VPS35L: variants seen among roughly 807,000 people sequenced by gnomAD.
VPS35L encodes VPS35 endosomal protein-sorting factor-like.
In VPS35L, 83 loss-of-function variants were observed where a neutral mutation model predicts 133.0. The ratio of observed to expected loss-of-function variants is 0.62; its 90% CI spans 0.52 to 0.75. The LOEUF (loss-of-function observed/expected upper bound fraction) is 0.75. Among genes scored for constraint, VPS35L ranks in the 30% least tolerant of loss-of-function variants. The pLI, the probability that VPS35L is intolerant of heterozygous loss-of-function variation, is 0.00. For synonymous variants in VPS35L, 423 were observed against 449.9 expected, an observed-to-expected ratio of 0.94 and a Z score of 0.76; for missense variants, 1,083 against 1,206.8, an observed-to-expected ratio of 0.90 and a Z score of 1.52.
chr16:19,611,697 C>T (rs900483140), intron 12 of VPS35L: 2 of 152,006 alleles, frequency 1.3e-5, no homozygotes, highest in South Asian at 2.1e-4. Flanking sequence ...AAAAGCCTTT[C>T]GTTTAAGGGC....
In VPS35L at chr16:19,581,407, C is replaced by T. The variant is rs189565991; in HGVS notation, c.511-118C>T. On this transcript the variant is annotated intron_variant, in intron 6 of 30. Transcript: ENST00000417362. ...TGCAAGGCAAAGCTGTCAATCCTGGCGGGGATATGAGGAAAATTTAGAGAC... is the reference window on the plus strand; with the variant it reads ...TGCAAGGCAAAGCTGTCAATCCTGGTGGGGATATGAGGAAAATTTAGAGAC... 160 of 1,174,754 alleles carry T rather than the reference C, an allele frequency of 1.4e-4. No individual in the cohort carries two copies. In the Middle Eastern group the frequency reaches 2.3e-3, roughly 17 times the overall value. The allele number at this position is 1,174,754 out of a possible 1,614,324, so 72.8% of individuals were successfully genotyped here.
chr16:19,591,997 A>G, intron 8 of VPS35L, 123 bp downstream of exon 8: 1 of 715,990 alleles, frequency 1.4e-6, no homozygotes. Context: ...GTCATGGGAG[A>G]GATCAAACCG....
chr16:19,589,796 G>A (rs971732718), intron 7 of VPS35L, among the ~76,000 whole-genome samples: 2 of 152,154 alleles, frequency 1.3e-5, no homozygotes, highest in African/African-American at 4.8e-5. Context: ...GGAAGCCCCA[G>A]CTGTGTTTAA....
intron 27 of VPS35L, among the ~76,000 whole-genome samples, chr16:19,671,858 C>G (rs1370405707): frequency 2.0e-5 from 3 of 152,220 alleles, no homozygotes; most frequent in Non-Finnish European, 4.4e-5. Flanking sequence ...ACAGATTAAG[C>G]ACCGCTGGTA....
At position 19,555,712 on chromosome 16, in the gene VPS35L, G is replaced by A. The variant is rs1047828570; in HGVS notation, c.-18G>A. 16 of 1,603,840 alleles carry A rather than the reference G, an allele frequency of 1.0e-5. No individual in the cohort carries two copies. The highest frequency in any genetic ancestry group is 1.4e-5 in the Non-Finnish European group (16 of 1,175,572). ...CCGAGCAGACGGCCCCAGAACAAGC[G>A]GTCATGTGACTGGGAAGATGGCCGT... On this transcript the variant is annotated 5_prime_UTR_variant, in exon 1 of 31. Transcript: ENST00000417362.
intron 8 of VPS35L, among the ~76,000 whole-genome samples, chr16:19,593,631 G>T (rs1972110854): frequency 6.6e-6 from 1 of 151,744 alleles, no homozygotes; most frequent in Non-Finnish European, 1.5e-5. Context: ...CCTTGCCCTT[G>T]GGCCGGGCAT....
At chr16:19,593,775 G>A (rs2151530337) in intron 8 of VPS35L, among the ~76,000 whole-genome samples, 1 of 152,184 alleles carries the variant, frequency 6.6e-6, no homozygotes, top group Admixed American at 6.5e-5. Flanking sequence ...AAATTAGCTG[G>A]GTGTTGTGGT....
intron 12 of VPS35L, among the ~76,000 whole-genome samples, chr16:19,615,271 G>A (rs891486859): frequency 2.0e-5 from 3 of 152,124 alleles, no homozygotes; most frequent in Non-Finnish European, 4.4e-5. Flanking sequence ...TTGGGGAAGG[G>A]CAAAGATGAT....
chr16:19,610,318 G>A lies in VPS35L; in HGVS notation c.930-4G>A, dbSNP rs2151546919. The stretch of plus-strand genomic sequence containing the variant: ...TAATGCTGGCCTGTTTTTGTCTCTT[G>A]CAGGGGAATTTCAGAGTGCCTGCCC... On this transcript the variant is annotated splice_polypyrimidine_tract_variant and splice_region_variant and intron_variant, in intron 11 of 30. Transcript: ENST00000417362. The A allele has an allele frequency of 2.5e-6, 4 of 1,613,398 alleles. No individual in the cohort carries two copies. Among genetic ancestry groups the A allele is most frequent in the Non-Finnish European group, 3.4e-6 (4 of 1,179,614 alleles).
chr16:19,594,855 G>A (rs936279390), intron 8 of VPS35L, among the ~76,000 whole-genome samples: 2 of 152,032 alleles, frequency 1.3e-5, no homozygotes, highest in Non-Finnish European at 2.9e-5. Flanking sequence ...GCAAGTTTAA[G>A]TAAGGTGCTC....
intron 23 of VPS35L, 83 bp from the exon 24 acceptor site, chr16:19,647,701 A>T (rs1973994235): frequency 5.7e-6 from 6 of 1,054,906 alleles, no homozygotes. Context: ...AGGTGGCAAT[A>T]ATAATATTTC....
chr16:19,566,062 T>C lies in VPS35L; in HGVS notation c.117+1112T>C, dbSNP rs1229512548. On this transcript the variant is annotated intron_variant, in intron 2 of 30. Coordinates refer to ENST00000417362, the MANE Select transcript of VPS35L (RefSeq NM_020314.7). ...TGGAGGCTCTGGGAATGTATGGAGA[T>C]GATTGCATAAAGCAGAAGACCCCAA... is the stretch of plus-strand genomic sequence containing the variant. Among the ~76,000 whole-genome samples, 25 of 152,060 alleles carry C rather than the reference T, an allele frequency of 1.6e-4. 1 individual carries two copies.
chr16:19,657,357 T>G (rs905184616), intron 26 of VPS35L, among the ~76,000 whole-genome samples: 6 of 152,178 alleles, frequency 3.9e-5, no homozygotes, highest in Non-Finnish European at 7.3e-5. Context: ...TCTTTTATTT[T>G]TTGCATCTTC....
At chr16:19,563,948 G>A (rs928627818) in intron 1 of VPS35L, among the ~76,000 whole-genome samples, 3 of 152,154 alleles carry the variant, frequency 2.0e-5, no homozygotes, top group Non-Finnish European at 4.4e-5. Flanking sequence ...CTCTTGTCCT[G>A]TGCTGAGAAT....
intron 22 of VPS35L, among the ~76,000 whole-genome samples, chr16:19,644,143 CTATT>C (rs1973869571): frequency 6.6e-6 from 1 of 151,886 alleles, no homozygotes; most frequent in East Asian, 1.9e-4. Context: ...CCCCAAATAA[CTATT>C]TATTTAACTA....
intron 28 of VPS35L, among the ~76,000 whole-genome samples, chr16:19,687,055 A>T (rs1975487749): frequency 6.6e-6 from 1 of 152,146 alleles, no homozygotes; most frequent in Non-Finnish European, 1.5e-5. Flanking sequence ...GTCTCCTCAC[A>T]GACTGTGACC....
rs1180983930 is a variant in VPS35L at position 19,573,221 on chromosome 16, A to G, written c.388A>G (p.Thr130Ala). 1 of 1,613,778 alleles carries G rather than the reference A, an allele frequency of 6.2e-7. No homozygotes were observed. The highest frequency in any genetic ancestry group is 8.5e-7 in the Non-Finnish European group (1 of 1,179,870). The part of the protein sequence containing the change: ...KRGEILARYT[T>A]TEKLSINLFM... The stretch of plus-strand genomic sequence containing the variant: ...GGGAGAAATCCTTGCCCGGTACACC[A>G]CTACCGAAAAGCTGTCTATTGTGAG... Residue 130 changes from threonine to alanine, a missense_variant, in exon 4 of 31, where the codon ACT (threonine) becomes GCT (alanine). By Grantham distance (58) the Thr-to-Ala change is moderately conservative. Transcript: ENST00000417362.
At chr16:19,590,182 G>C (rs1294467614) in intron 7 of VPS35L, among the ~76,000 whole-genome samples, 1 of 127,792 alleles carries the variant, frequency 7.8e-6, no homozygotes, top group Non-Finnish European at 1.5e-5. Flanking sequence ...GCTGTAAGGG[G>C]ATGTTTCGCA....
chr16:19,629,945 T>A (rs1302621019), intron 18 of VPS35L, 125 bp downstream of exon 18: 24 of 839,400 alleles, frequency 2.9e-5, no homozygotes, highest in South Asian at 8.0e-5. Context: ...TTATAAAAAT[T>A]GCATTCTTCA....
Sources: gnomAD v4.1 joint callset for allele counts (sites outside exome capture counted in the v4.1 genomes callset) on GRCh38, gnomAD v4.1.1 for gene constraint, MANE v1.5 for transcripts, NCBI Gene and HGNC (gene_info 2026-07-23, HGNC 2026-07-21) for gene names.